GALK2: variants seen among roughly 807,000 people sequenced by gnomAD.
GALK2 encodes the protein galactokinase 2, also known as N-acetylgalactosamine kinase.
GALK2 carries 36 observed loss-of-function variants against 52.4 expected under a neutral mutation model. The observed-to-expected ratio is 0.69, with a 90% CI of 0.53 to 0.91. The LOEUF (loss-of-function observed/expected upper bound fraction) is 0.91, where lower values mean the gene tolerates loss of function less well. Among genes scored for constraint, GALK2 ranks in the 40% least tolerant of loss-of-function variants. The probability of loss-of-function intolerance (pLI) is 0.00; values close to 1 mark genes in which losing one functional copy is unlikely to be tolerated. For missense variants in GALK2, 579 were observed against 559.1 expected, an observed-to-expected ratio of 1.04 and a Z score of -0.36; for synonymous variants, 176 against 199.1, an observed-to-expected ratio of 0.88 and a Z score of 0.98.
chr15:49,360,627 G>A (rs1322991632), intron 3 of GALK2, among the ~76,000 whole-genome samples: 1 of 152,118 alleles, frequency 6.6e-6, no homozygotes, highest in Non-Finnish European at 1.5e-5. Context: ...CCAAGATTCT[G>A]CAGTTTAAAG....
chr15:49,328,953 A>G lies in GALK2; in HGVS notation c.*794A>G. 9.1e-7 allele frequency: 1 copy of G among 1,101,472 alleles called. No homozygotes were observed. Among genetic ancestry groups the G allele is most frequent in the Non-Finnish European group, 1.1e-6 (1 of 898,890 alleles). The allele number at this position is 1,101,472 out of a possible 1,614,324, so 68.2% of individuals were successfully genotyped here. ...TTTAAGACTCTTCTATTCACATTGA[A>G]ATAAAGAATTATCTAGATGATAATT... On this transcript the variant is annotated 3_prime_UTR_variant, in exon 10 of 10. Coordinates refer to ENST00000560031, the MANE Select transcript of GALK2 (RefSeq NM_002044.4).
At chr15:49,186,828 C>T (rs765233799) in intron 1 of GALK2, among the ~76,000 whole-genome samples, 1 of 152,116 alleles carries the variant, frequency 6.6e-6, no homozygotes, top group Admixed American at 6.5e-5. Context: ...TGAGCCACTG[C>T]GCCTGGTCTG....
At chr15:49,226,358 C>G (rs984636714) in intron 3 of GALK2, among the ~76,000 whole-genome samples, 3 of 152,124 alleles carry the variant, frequency 2.0e-5, no homozygotes, top group African/African-American at 7.2e-5. Context: ...CAACCCCACA[C>G]AAGGTTCCCA....
intron 3 of GALK2, among the ~76,000 whole-genome samples, chr15:49,337,778 T>G (rs756121641): frequency 1.3e-5 from 2 of 152,122 alleles, no homozygotes; most frequent in African/African-American, 2.4e-5. Context: ...TGTTTGGTTT[T>G]CTGTTCTTGT....
At chr15:49,189,364 A>G (rs756972594) in intron 1 of GALK2, among the ~76,000 whole-genome samples, 5 of 152,228 alleles carry the variant, frequency 3.3e-5, no homozygotes, top group Non-Finnish European at 7.3e-5. Context: ...AAGTGTTACC[A>G]GTTATCCTAC....
chr15:49,294,087 CAAA>C, intron 8 of GALK2, among the ~76,000 whole-genome samples: 1 of 131,056 alleles, frequency 7.6e-6, no homozygotes, highest in East Asian at 2.3e-4. Flanking sequence ...GACCCTGTCT[CAAA>C]TAAATAAATA....
intron 3 of GALK2, among the ~76,000 whole-genome samples, chr15:49,344,639 A>G (rs2041209903): frequency 6.6e-6 from 1 of 152,224 alleles, no homozygotes; most frequent in Non-Finnish European, 1.5e-5. Flanking sequence ...GGAGCAATAC[A>G]CATAATTGAA....
At chr15:49,251,155 C>T (rs1185799832) in intron 5 of GALK2, among the ~76,000 whole-genome samples, 1 of 152,154 alleles carries the variant, frequency 6.6e-6, no homozygotes, top group Non-Finnish European at 1.5e-5. Flanking sequence ...GTCAATCTCT[C>T]TCATGACATT....
intron 5 of GALK2, among the ~76,000 whole-genome samples, chr15:49,260,901 G>T (rs2092073307): frequency 6.6e-6 from 1 of 151,786 alleles, no homozygotes; most frequent in Non-Finnish European, 1.5e-5. Flanking sequence ...ATTTCTGAGG[G>T]CTCTGTTCTG....
intron 2 of GALK2, among the ~76,000 whole-genome samples, chr15:49,216,590 C>T (rs1242854787): frequency 2.0e-5 from 3 of 152,208 alleles, no homozygotes; most frequent in Admixed American, 1.3e-4. Context: ...CCGAGGACTG[C>T]AGTACTTGTG....
At chr15:49,281,380 ATTTATT>A (rs2032673911) in intron 5 of GALK2, among the ~76,000 whole-genome samples, 1 of 152,212 alleles carries the variant, frequency 6.6e-6, no homozygotes, top group East Asian at 1.9e-4. Context: ...AGGCGTTTAG[ATTTATT>A]TCTTAATCAA....
At chr15:49,337,442 G>A (rs1381323209) in intron 3 of GALK2, among the ~76,000 whole-genome samples, 1 of 130,216 alleles carries the variant, frequency 7.7e-6, no homozygotes, top group Non-Finnish European at 1.6e-5. Flanking sequence ...CTGCTGACGA[G>A]TGATGCTAAG....
rs556418019 is a variant in GALK2, at chr15:49,328,088, T to C, written c.1306T>C (p.Leu436=). The C allele has an allele frequency of 1.2e-6, 2 of 1,614,114 alleles. No homozygotes were observed. Among genetic ancestry groups the C allele is most frequent in the African/African-American group, 2.7e-5 (2 of 75,032 alleles). ...TTATTACCAGAGGAGTGATGGAAGC[T>C]TAGCACCGGAGAAGCAAAGTTTGTT... ...KAYYQRSDGS[L]APEKQSLFAT... The change falls in exon 10 of 10, where the codon TTA becomes CTA. Residue 436 remains leucine (L), a synonymous_variant. Transcript: ENST00000560031.
chr15:49,170,107 T>A (rs532320830), upstream of GALK2: 182 of 1,126,372 alleles, frequency 1.6e-4, no homozygotes, highest in African/African-American at 2.7e-3. Flanking sequence ...TGTACCTGAC[T>A]GCTGCTTGGA....
intron 7 of GALK2, among the ~76,000 whole-genome samples, chr15:49,289,862 A>T (rs1198533018): frequency 6.6e-6 from 1 of 152,134 alleles, no homozygotes; most frequent in African/African-American, 2.4e-5. Context: ...AGCACCATTT[A>T]TCAGTGCCTC....
intron 3 of GALK2, among the ~76,000 whole-genome samples, chr15:49,224,684 ATGTC>A (rs2090026588): frequency 1.3e-5 from 2 of 152,110 alleles, no homozygotes; most frequent in African/African-American, 2.4e-5. Flanking sequence ...CTATAAGTCT[ATGTC>A]TGTGTATCTG....
chr15:49,228,120 G>C (rs2090243504), intron 3 of GALK2, among the ~76,000 whole-genome samples: 1 of 152,096 alleles, frequency 6.6e-6, no homozygotes, highest in Non-Finnish European at 1.5e-5. Flanking sequence ...TAAGTGTCTA[G>C]ATGCTTTTCT....
intron 5 of GALK2, among the ~76,000 whole-genome samples, chr15:49,277,350 A>G (rs1345296682): frequency 2.1e-5 from 3 of 140,342 alleles, no homozygotes; most frequent in African/African-American, 5.2e-5. Flanking sequence ...TTGTATTTTT[A>G]GTAGAGACGG....
At chr15:49,294,100 A>AAAT (rs1279118919) in intron 8 of GALK2, among the ~76,000 whole-genome samples, 3 of 146,068 alleles carry the variant, frequency 2.1e-5, no homozygotes, top group African/African-American at 7.8e-5. Context: ...ATAAATAAAT[A>AAAT]AATAAATAAA....
Sources: gnomAD v4.1 joint callset for allele counts (sites outside exome capture counted in the v4.1 genomes callset) on GRCh38, gnomAD v4.1.1 for gene constraint, MANE v1.5 for transcripts, NCBI Gene and HGNC (gene_info 2026-07-23, HGNC 2026-07-21) for gene names.